Variants in PPP2R2B observed in about 807,000 individuals in gnomAD.
PPP2R2B encodes the protein protein phosphatase 2 regulatory subunit Bbeta.
In PPP2R2B, 5 loss-of-function variants were observed where a neutral mutation model predicts 46.0. The observed-to-expected ratio is 0.11, with a 90% CI of 0.06 to 0.23. The LOEUF is 0.23. Ranked by LOEUF, PPP2R2B falls within the 10% of genes least tolerant of loss-of-function variation. PPP2R2B has a pLI of 1.00. For missense variants in PPP2R2B, 367 were observed against 575.0 expected, an observed-to-expected ratio of 0.64 and a Z score of 3.70; for synonymous variants, 215 against 206.7, an observed-to-expected ratio of 1.04 and a Z score of -0.34.
chr5:147,048,492 C>T (rs1756642239), intron 1 of PPP2R2B, among the ~76,000 whole-genome samples: 1 of 152,112 alleles, frequency 6.6e-6, no homozygotes, highest in African/African-American at 2.4e-5. Context: ...ACAATAAATG[C>T]TAGCTTTGTA....
intron 2 of PPP2R2B, among the ~76,000 whole-genome samples, chr5:146,757,094 G>A (rs1753880983): frequency 6.6e-6 from 1 of 152,084 alleles, no homozygotes; most frequent in Middle Eastern, 3.2e-3. Context: ...CTGGTGGAGG[G>A]AAGATCAGGA....
At chr5:146,950,091 C>T (rs1397904180) in intron 1 of PPP2R2B, among the ~76,000 whole-genome samples, 1 of 151,958 alleles carries the variant, frequency 6.6e-6, no homozygotes, top group Non-Finnish European at 1.5e-5. Context: ...ATTTATTGTA[C>T]TTTAAAAAAT....
intron 1 of PPP2R2B, among the ~76,000 whole-genome samples, chr5:147,051,059 A>G (rs930693301): frequency 2.6e-5 from 4 of 152,170 alleles, no homozygotes; most frequent in Non-Finnish European, 4.4e-5. Context: ...GAAGATGAGT[A>G]GGGCAGAATT....
intron 1 of PPP2R2B, among the ~76,000 whole-genome samples, chr5:146,978,991 C>T (rs1417983565): frequency 1.3e-5 from 2 of 152,146 alleles, no homozygotes; most frequent in Admixed American, 6.5e-5. Flanking sequence ...CCTTCTACTC[C>T]AAACTTTCCA....
intron 2 of PPP2R2B, among the ~76,000 whole-genome samples, chr5:146,770,009 A>T (rs1432374553): frequency 6.6e-6 from 1 of 152,156 alleles, no homozygotes; most frequent in Non-Finnish European, 1.5e-5. Flanking sequence ...TAGCAAAAAA[A>T]ATCAGAAATA....
rs553729766 is a variant in PPP2R2B at position 146,855,914 on chromosome 5, A to C, written c.70+22088T>G. ...TAACTACTTAGGAGTTAATAATGAA[A>C]GGGCTTTAGAATATTTGATACAGGT... On this transcript the variant is annotated intron_variant, in intron 2 of 9. Coordinates refer to ENST00000394411, the MANE Select transcript of PPP2R2B (RefSeq NM_181675.4). 2.1e-4 allele frequency among the ~76,000 whole-genome samples: 32 copies of C among 152,350 alleles called. 1 individual carries two copies. In the South Asian group the frequency reaches 6.4e-3, roughly 31 times the overall value.
At chr5:146,678,630 A>G (rs1439517376) in intron 5 of PPP2R2B, among the ~76,000 whole-genome samples, 1 of 145,448 alleles carries the variant, frequency 6.9e-6, no homozygotes, top group African/African-American at 2.7e-5. Context: ...ACATGATTGT[A>G]TATCTAGAAA....
intron 1 of PPP2R2B, among the ~76,000 whole-genome samples, chr5:147,005,179 T>A (rs1224478489): frequency 1.3e-5 from 2 of 152,198 alleles, no homozygotes; most frequent in East Asian, 1.9e-4. Context: ...TAGTCCAGAC[T>A]CATGCTGCCG....
Position 146,587,908 on chromosome 5 carries a change from C to T in PPP2R2B, c.*2039G>A, listed in dbSNP as rs551624049. ...TTAAGTTTGAGATACAATGATTGGT[C>T]CCAACCCCCGACGTGGTACAGACAG... is the stretch of plus-strand genomic sequence containing the variant. On this transcript the variant is annotated 3_prime_UTR_variant, in exon 10 of 10. Coordinates refer to ENST00000394411, the MANE Select transcript of PPP2R2B (RefSeq NM_181675.4). The T allele has an allele frequency of 6.6e-6, 1 of 152,140 alleles. No individual in the cohort carries two copies. The highest frequency in any genetic ancestry group is 1.5e-5 in the Non-Finnish European group (1 of 68,028). The allele number at this position is 152,140 out of a possible 1,614,324, so 9.4% of individuals were successfully genotyped here.
intron 2 of PPP2R2B, among the ~76,000 whole-genome samples, chr5:146,782,178 T>C (rs1010833237): frequency 1.3e-5 from 2 of 152,176 alleles, no homozygotes; most frequent in Non-Finnish European, 2.9e-5. Flanking sequence ...CTGTACAGGC[T>C]GCAGAACTGT....
chr5:147,077,273 T>TAC (rs1491537857), intron 2 of PPP2R2B, among the ~76,000 whole-genome samples: 24 of 96,316 alleles, frequency 2.5e-4, no homozygotes, highest in African/African-American at 9.1e-4. Flanking sequence ...TGTATGTGTG[T>TAC]ATACACACAC....
chr5:146,635,759 C>T (rs1434274419), intron 7 of PPP2R2B, among the ~76,000 whole-genome samples: 1 of 152,206 alleles, frequency 6.6e-6, no homozygotes. Context: ...CATCCCCATT[C>T]CCACTTGTTA....
At chr5:146,624,072 A>G (rs147767915) in intron 7 of PPP2R2B, among the ~76,000 whole-genome samples, 2 of 152,194 alleles carry the variant, frequency 1.3e-5, no homozygotes, top group South Asian at 4.1e-4. Flanking sequence ...AAGAAAAAAA[A>G]CCAATCATTG....
chr5:146,937,111 G>A (rs1764174752), intron 1 of PPP2R2B, among the ~76,000 whole-genome samples: 2 of 152,254 alleles, frequency 1.3e-5, no homozygotes, highest in African/African-American at 4.8e-5. Flanking sequence ...AAATCAGCCT[G>A]GCTAACATGG....
At chr5:146,996,051 C>G (rs1305641427) in intron 1 of PPP2R2B, among the ~76,000 whole-genome samples, 2 of 152,036 alleles carry the variant, frequency 1.3e-5, no homozygotes, top group African/African-American at 4.8e-5. Context: ...AACTGGAATC[C>G]TGGAATAAGG....
intron 5 of PPP2R2B, among the ~76,000 whole-genome samples, chr5:146,660,531 G>A (rs938719656): frequency 3.3e-5 from 5 of 152,042 alleles, no homozygotes; most frequent in Non-Finnish European, 7.4e-5. Flanking sequence ...GGAGTGATAG[G>A]CTGGCTCTGG....
chr5:147,011,205 T>C (rs1170195123), intron 1 of PPP2R2B, among the ~76,000 whole-genome samples: 2 of 152,140 alleles, frequency 1.3e-5, no homozygotes, highest in Non-Finnish European at 2.9e-5. Context: ...ATCCCAAATT[T>C]TCACATCGTT....
At chr5:146,713,549 C>T (rs566740429) in intron 2 of PPP2R2B, among the ~76,000 whole-genome samples, 1 of 152,122 alleles carries the variant, frequency 6.6e-6, no homozygotes, top group Non-Finnish European at 1.5e-5. Context: ...CTCAATTTGG[C>T]TACAGTGTTG....
At chr5:146,711,704 C>A (rs1428740100) in intron 2 of PPP2R2B, among the ~76,000 whole-genome samples, 1 of 152,170 alleles carries the variant, frequency 6.6e-6, no homozygotes, top group African/African-American at 2.4e-5. Flanking sequence ...CTATTATGTG[C>A]ATGTCACTGG....
Sources: gnomAD v4.1 joint callset for allele counts (sites outside exome capture counted in the v4.1 genomes callset) on GRCh38, gnomAD v4.1.1 for gene constraint, MANE v1.5 for transcripts, NCBI Gene and HGNC (gene_info 2026-07-23, HGNC 2026-07-21) for gene names.